Variants in VAV3 observed in about 807,000 individuals in gnomAD.
VAV3 encodes vav guanine nucleotide exchange factor 3, also known as guanine nucleotide exchange factor VAV3.
A neutral mutation model predicts 131.2 loss-of-function variants in VAV3; 94 were observed. The observed-to-expected ratio is 0.72, with a 90% CI of 0.61 to 0.85. The LOEUF (loss-of-function observed/expected upper bound fraction) is 0.85. Ranked by LOEUF, VAV3 falls within the 40% of genes least tolerant of loss-of-function variation. VAV3 has a pLI of 0.00. For synonymous variants in VAV3, 349 were observed against 342.0 expected (o/e 1.02, Z -0.22); for missense variants, 939 against 1,002.7 (o/e 0.94, Z 0.86).
intron 2 of VAV3, among the ~76,000 whole-genome samples, chr1:107,790,489 C>T (rs1028097568): frequency 6.6e-6 from 1 of 152,170 alleles, no homozygotes; most frequent in African/African-American, 2.4e-5. Context: ...AGAGGAATGG[C>T]ACACAGTGCC....
rs1192763394 is a variant in VAV3, at chr1:107,875,098, T to TA, written c.205-82dup. The TA allele has an allele frequency of 3.4e-6, 4 of 1,193,642 alleles. No homozygotes were observed. In the East Asian group the frequency reaches 7.1e-5, roughly 21 times the overall value. The allele number at this position is 1,193,642 out of a possible 1,614,324, so 73.9% of individuals were successfully genotyped here. ...CCCTCTGTAACACTCAAGACTGCTCTAAAAATGACAAGAAAGCATCAAGCA... is the reference window on the plus strand; with the variant it reads ...CCCTCTGTAACACTCAAGACTGCTCTAAAAAATGACAAGAAAGCATCAAGCA... On this transcript the variant is annotated intron_variant, in intron 1 of 26. Transcript: ENST00000370056.
intron 15 of VAV3, among the ~76,000 whole-genome samples, chr1:107,742,534 C>T (rs773970593): frequency 7.9e-5 from 12 of 152,100 alleles, no homozygotes; most frequent in Non-Finnish European, 1.2e-4. Context: ...ATTGAGATTC[C>T]AAACACCTGC....
chr1:107,609,885 G>C (rs745667106), intron 22 of VAV3, 46 bp downstream of exon 22: 9 of 1,589,582 alleles, frequency 5.7e-6, no homozygotes, highest in Admixed American at 5.0e-5. Context: ...CTGGAGCTAA[G>C]GGTATGGTAT....
chr1:107,843,107 G>T (rs557411265), intron 2 of VAV3, among the ~76,000 whole-genome samples: 1 of 151,768 alleles, frequency 6.6e-6, no homozygotes, highest in Non-Finnish European at 1.5e-5. Context: ...CCAATTTATC[G>T]TGAAACCTAT....
At chr1:107,764,441 G>A (rs546365702) in intron 9 of VAV3, among the ~76,000 whole-genome samples, 5 of 152,232 alleles carry the variant, frequency 3.3e-5, no homozygotes, top group South Asian at 4.1e-4. Flanking sequence ...ATTTGTGTTC[G>A]TCTTCTCTTC....
chr1:107,871,746 A>T (rs1483838793), intron 2 of VAV3, among the ~76,000 whole-genome samples: 1 of 152,200 alleles, frequency 6.6e-6, no homozygotes, highest in African/African-American at 2.4e-5. Flanking sequence ...AAACACATCC[A>T]TATCAAGCCT....
intron 22 of VAV3, among the ~76,000 whole-genome samples, chr1:107,607,172 T>C (rs542019998): frequency 6.6e-6 from 1 of 151,928 alleles, no homozygotes; most frequent in Non-Finnish European, 1.5e-5. Context: ...CAGGCTGGTC[T>C]TGAACTCCTG....
At chr1:107,895,456 T>C (rs1671520395) in intron 1 of VAV3, among the ~76,000 whole-genome samples, 1 of 152,144 alleles carries the variant, frequency 6.6e-6, no homozygotes, top group Non-Finnish European at 1.5e-5. Context: ...CTAAGCAATC[T>C]TATCCAGTTC....
At chr1:107,649,182 A>G (rs547333424) in intron 19 of VAV3, among the ~76,000 whole-genome samples, 3 of 152,062 alleles carry the variant, frequency 2.0e-5, no homozygotes, top group South Asian at 4.1e-4. Flanking sequence ...TTCTTTCTAC[A>G]TAAGGTTATT....
At position 107,681,757 on chromosome 1, in the gene VAV3, C is replaced by G. The variant is rs561512038; in HGVS notation, c.1777+1731G>C. Among the ~76,000 whole-genome samples the G allele has an allele frequency of 2.4e-4, 37 of 151,548 alleles. No homozygotes were observed. In the South Asian group the frequency reaches 4.6e-3, roughly 19 times the overall value. On this transcript the variant is annotated intron_variant, in intron 19 of 26. Transcript: ENST00000370056. The stretch of plus-strand genomic sequence containing the variant: ...CAAGTTCTGCCTCCCGGGCTCACGC[C>G]ATTCTCCTGCCTCAGCCTCCCAAGT...
chr1:107,682,765 C>G (rs1481458470), intron 19 of VAV3, among the ~76,000 whole-genome samples: 1 of 152,192 alleles, frequency 6.6e-6, no homozygotes, highest in Admixed American at 6.5e-5. Context: ...TACTCTATTT[C>G]TCATGTTCCC....
At chr1:107,723,438 C>CT (rs1469753664) in intron 15 of VAV3, among the ~76,000 whole-genome samples, 1 of 152,010 alleles carries the variant, frequency 6.6e-6, no homozygotes, top group Admixed American at 6.6e-5. Flanking sequence ...TCAAGTAAGT[C>CT]CTCCACAGTC....
At chr1:107,835,971 A>G (rs1391050026) in intron 2 of VAV3, among the ~76,000 whole-genome samples, 2 of 152,210 alleles carry the variant, frequency 1.3e-5, no homozygotes, top group African/African-American at 4.8e-5. Context: ...CCTTAGGGCT[A>G]GGGAAACACA....
At chr1:107,750,315 A>G (rs1317402556) in intron 13 of VAV3, among the ~76,000 whole-genome samples, 1 of 152,238 alleles carries the variant, frequency 6.6e-6, no homozygotes, top group African/African-American at 2.4e-5. Flanking sequence ...TTCCATGTTA[A>G]TATTTCTTTT....
At chr1:107,913,012 T>C (rs890288378) in intron 1 of VAV3, among the ~76,000 whole-genome samples, 6 of 152,264 alleles carry the variant, frequency 3.9e-5, no homozygotes, top group Non-Finnish European at 8.8e-5. Context: ...GGCAATCTCA[T>C]GTTTATACTA....
chr1:107,746,526 C>A (rs945129013), intron 15 of VAV3, among the ~76,000 whole-genome samples: 1 of 152,174 alleles, frequency 6.6e-6, no homozygotes, highest in Non-Finnish European at 1.5e-5. Flanking sequence ...TCCGTACATA[C>A]CCCTATATGT....
intron 1 of VAV3, among the ~76,000 whole-genome samples, chr1:107,926,672 C>G (rs1421364788): frequency 6.6e-6 from 1 of 152,092 alleles, no homozygotes; most frequent in African/African-American, 2.4e-5. Flanking sequence ...TTGCATTTAA[C>G]TCAGTGTTGC....
At chr1:107,745,599 G>A (rs1299701857) in intron 15 of VAV3, among the ~76,000 whole-genome samples, 8 of 152,266 alleles carry the variant, frequency 5.3e-5, no homozygotes, top group South Asian at 2.1e-4. Context: ...GAATATTTAT[G>A]TTCACCAGAT....
intron 2 of VAV3, among the ~76,000 whole-genome samples, chr1:107,807,530 C>T (rs79990284): frequency 0.016 from 2,431 of 152,312 alleles, 74 homozygotes; most frequent in African/African-American, 0.056. Flanking sequence ...AGAGCAGGGT[C>T]GTAGTGCTCC....
Sources: gnomAD v4.1 joint callset for allele counts (sites outside exome capture counted in the v4.1 genomes callset) on GRCh38, gnomAD v4.1.1 for gene constraint, MANE v1.5 for transcripts, NCBI Gene and HGNC (gene_info 2026-07-23, HGNC 2026-07-21) for gene names.